KAZN: variants seen among roughly 807,000 people sequenced by gnomAD.
The protein encoded by KAZN is kazrin, periplakin interacting protein, also known as kazrin.
KAZN carries 40 observed loss-of-function variants against 87.4 expected under a neutral mutation model. The observed-to-expected ratio is 0.46, with a 90% CI of 0.36 to 0.60. The LOEUF is 0.60. Among genes scored for constraint, KAZN ranks in the 20% least tolerant of loss-of-function variants. The probability of loss-of-function intolerance (pLI) is 0.00; values close to 1 mark genes in which losing one functional copy is unlikely to be tolerated. For synonymous variants in KAZN, 466 were observed against 458.3 expected, an observed-to-expected ratio of 1.02 and a Z score of -0.22; for missense variants, 898 against 1,073.9, an observed-to-expected ratio of 0.84 and a Z score of 2.29.
intron 2 of KAZN, among the ~76,000 whole-genome samples, chr1:14,491,945 C>G (rs1669671556): frequency 6.6e-6 from 1 of 152,134 alleles, no homozygotes; most frequent in Non-Finnish European, 1.5e-5. Flanking sequence ...TCTTTTCATA[C>G]CATTGCTTTT....
At chr1:14,252,482 C>T (rs952352336) in intron 2 of KAZN, among the ~76,000 whole-genome samples, 1 of 152,166 alleles carries the variant, frequency 6.6e-6, no homozygotes, top group African/African-American at 2.4e-5. Flanking sequence ...CTTGCCAGGG[C>T]CTTTCCTACC....
intron 2 of KAZN, among the ~76,000 whole-genome samples, chr1:14,205,250 G>A (rs1053444142): frequency 2.6e-5 from 4 of 152,268 alleles, no homozygotes; most frequent in Non-Finnish European, 4.4e-5. Context: ...TCAGGAGAGC[G>A]AGGAAATGGG....
At chr1:14,051,857 A>G (rs1292164001) in intron 1 of KAZN, among the ~76,000 whole-genome samples, 1 of 152,162 alleles carries the variant, frequency 6.6e-6, no homozygotes, top group African/African-American at 2.4e-5. Context: ...CAACCAACCA[A>G]CCAAACAACA....
intron 2 of KAZN, among the ~76,000 whole-genome samples, chr1:14,291,405 C>T (rs1653681818): frequency 1.3e-5 from 2 of 152,346 alleles, no homozygotes; most frequent in South Asian, 2.1e-4. Flanking sequence ...ACACCCCTCC[C>T]CCAGCCAGGT....
At chr1:14,453,055 ATGCCATTCTTC>A (rs1009149228) in intron 2 of KAZN, among the ~76,000 whole-genome samples, 1 of 152,024 alleles carries the variant, frequency 6.6e-6, no homozygotes, top group Non-Finnish European at 1.5e-5. Context: ...TCCCGGGTTT[ATGCCATTCTTC>A]TGCCTCAGCC....
chr1:14,990,076 C>T (rs1239009849), intron 2 of KAZN, among the ~76,000 whole-genome samples: 1 of 152,148 alleles, frequency 6.6e-6, no homozygotes, highest in Non-Finnish European at 1.5e-5. Flanking sequence ...TGCTCAAAGC[C>T]ACACAGCCGC....
chr1:13,926,151 C>T (rs1449870743), intron 1 of KAZN, among the ~76,000 whole-genome samples: 1 of 152,124 alleles, frequency 6.6e-6, no homozygotes, highest in African/African-American at 2.4e-5. Flanking sequence ...TTCACCAATT[C>T]TCTCCCAAAC....
intron 13 of KAZN, among the ~76,000 whole-genome samples, chr1:15,110,173 GTA>G (rs1377887752): frequency 1.4e-5 from 2 of 142,944 alleles, no homozygotes; most frequent in African/African-American, 5.0e-5. Flanking sequence ...GTTTGTGTGT[GTA>G]TATGTGTGTT....
At chr1:13,946,687 A>G (rs934957604) in intron 1 of KAZN, among the ~76,000 whole-genome samples, 1 of 152,070 alleles carries the variant, frequency 6.6e-6, no homozygotes, top group Admixed American at 6.6e-5. Flanking sequence ...GTGCCCTGTA[A>G]TGTGTGTCAA....
chr1:15,103,522 T>TATGCAAATCAATATGCAAATCAC lies in KAZN; in HGVS notation c.1881+80_1881+102dup, dbSNP rs1250390096. ...CATACACAAACCCCATGCAAATCTA[T>TATGCAAATCAATATGCAAATCAC]ATGCAAATCAATATGCAAATCACAT... On this transcript the variant is annotated intron_variant, in intron 12 of 14. Transcript: ENST00000376030. 2.9e-5 allele frequency: 29 copies of TATGCAAATCAATATGCAAATCAC among 997,394 alleles called. No individual in the cohort carries two copies. The East Asian group carries it at 3.9e-4, about 13-fold the overall frequency. The allele number at this position is 997,394 out of a possible 1,614,324, so 61.8% of individuals were successfully genotyped here.
chr1:14,439,500 G>T (rs1264481880), intron 2 of KAZN, among the ~76,000 whole-genome samples: 1 of 152,096 alleles, frequency 6.6e-6, no homozygotes, highest in Admixed American at 6.5e-5. Context: ...ATTCCACTTG[G>T]AGTAAAAGCT....
intron 1 of KAZN, among the ~76,000 whole-genome samples, chr1:14,779,572 T>C (rs1449129497): frequency 6.6e-6 from 1 of 152,152 alleles, no homozygotes; most frequent in East Asian, 1.9e-4. Flanking sequence ...ACTAAACAAA[T>C]GAGATGTAGG....
chr1:14,426,046 GC>G, intron 2 of KAZN, among the ~76,000 whole-genome samples: 1 of 152,198 alleles, frequency 6.6e-6, no homozygotes, highest in Non-Finnish European at 1.5e-5. Context: ...CAGAGTAAAG[GC>G]CTCACAGGGC....
chr1:14,825,979 G>A (rs1646874856), intron 1 of KAZN, among the ~76,000 whole-genome samples: 1 of 152,174 alleles, frequency 6.6e-6, no homozygotes, highest in African/African-American at 2.4e-5. Flanking sequence ...TGAATTGGTG[G>A]ACAGCTGGCT....
chr1:14,983,490 G>A (rs1042115982), intron 2 of KAZN, among the ~76,000 whole-genome samples: 6 of 152,184 alleles, frequency 3.9e-5, no homozygotes, highest in African/African-American at 4.8e-5. Flanking sequence ...ACCTGTGGTC[G>A]GTGGAAATGC....
intron 2 of KAZN, among the ~76,000 whole-genome samples, chr1:14,250,551 C>A (rs1000254996): frequency 1.3e-5 from 2 of 150,236 alleles, no homozygotes; most frequent in Non-Finnish European, 3.0e-5. Context: ...ATCACAGAAA[C>A]AATATTATGA....
chr1:14,629,625 G>A (rs1176770730), intron 1 of KAZN, among the ~76,000 whole-genome samples: 1 of 152,138 alleles, frequency 6.6e-6, no homozygotes, highest in Non-Finnish European at 1.5e-5. Context: ...ACGGCTCCAG[G>A]GCTCGTTGCT....
chr1:14,321,308 A>G (rs1216489999), intron 2 of KAZN, among the ~76,000 whole-genome samples: 1 of 152,206 alleles, frequency 6.6e-6, no homozygotes, highest in Non-Finnish European at 1.5e-5. Context: ...AACATTTCGT[A>G]TCGCGAATGG....
intron 13 of KAZN, among the ~76,000 whole-genome samples, chr1:15,108,459 G>GA (rs1641374580): frequency 6.6e-6 from 1 of 152,182 alleles, no homozygotes; most frequent in Non-Finnish European, 1.5e-5. Flanking sequence ...TCTGAGCCAC[G>GA]GTTTTTTCAG....
Sources: gnomAD v4.1 joint callset for allele counts (sites outside exome capture counted in the v4.1 genomes callset) on GRCh38, gnomAD v4.1.1 for gene constraint, MANE v1.5 for transcripts, NCBI Gene and HGNC (gene_info 2026-07-23, HGNC 2026-07-21) for gene names.